The following GASK1A variants were observed in gnomAD, a reference collection of about 807,000 sequenced individuals.
The protein encoded by GASK1A is Golgi-associated kinase 1A.
GASK1A carries 40 observed loss-of-function variants against 41.2 expected under a neutral mutation model. The observed-to-expected ratio is 0.97, with a 90% CI of 0.75 to 1.27. The LOEUF is 1.27. Among genes scored for constraint, GASK1A ranks in the 50% most tolerant of loss-of-function variants. GASK1A has a pLI of 0.00. For missense variants in GASK1A, 678 were observed against 745.1 expected, an observed-to-expected ratio of 0.91 and a Z score of 1.05; for synonymous variants, 316 against 307.1, an observed-to-expected ratio of 1.03 and a Z score of -0.30.
At chr3:43,051,677 G>A (rs1182393736) in intron 2 of GASK1A, among the ~76,000 whole-genome samples, 3 of 152,132 alleles carry the variant, frequency 2.0e-5, no homozygotes, top group South Asian at 4.1e-4. Flanking sequence ...GACAGCCATG[G>A]TGTTGAAACA....
intron 1 of GASK1A, among the ~76,000 whole-genome samples, chr3:43,026,578 A>C (rs2089547989): frequency 6.6e-6 from 1 of 152,226 alleles, no homozygotes; most frequent in Admixed American, 6.5e-5. Flanking sequence ...CTCAAGAAAA[A>C]ATGGTAAAAT....
intron 1 of GASK1A, among the ~76,000 whole-genome samples, chr3:43,017,452 G>T (rs1432828213): frequency 1.3e-5 from 2 of 149,660 alleles, no homozygotes; most frequent in East Asian, 4.1e-4. Context: ...ACAAGAAAGG[G>T]CTGTGTGAGT....
intron 1 of GASK1A, among the ~76,000 whole-genome samples, chr3:42,983,750 A>T (rs2089293327): frequency 6.6e-6 from 1 of 152,194 alleles, no homozygotes; most frequent in Non-Finnish European, 1.5e-5. Flanking sequence ...CTTCTGGGGT[A>T]CAGCCCTTAC....
chr3:42,981,292 C>T (rs540256794), intron 1 of GASK1A, among the ~76,000 whole-genome samples: 31 of 152,276 alleles, frequency 2.0e-4, no homozygotes, highest in Middle Eastern at 3.4e-3. Flanking sequence ...TCCTTTGCTT[C>T]TCCATCTGAA....
intron 1 of GASK1A, among the ~76,000 whole-genome samples, chr3:42,985,933 AAAGTT>A (rs2089306656): frequency 6.6e-6 from 1 of 152,214 alleles, no homozygotes; most frequent in Admixed American, 6.5e-5. Context: ...TAGTTTTTTA[AAAGTT>A]AAACATACAC....
intron 1 of GASK1A, among the ~76,000 whole-genome samples, chr3:42,997,734 A>G (rs1478214807): frequency 1.3e-5 from 2 of 152,220 alleles, no homozygotes; most frequent in Non-Finnish European, 2.9e-5. Context: ...TAATGGGCCT[A>G]TAAGGTTGTG....
At chr3:42,985,401 G>T (rs2125672086) in intron 1 of GASK1A, among the ~76,000 whole-genome samples, 1 of 152,300 alleles carries the variant, frequency 6.6e-6, no homozygotes, top group South Asian at 2.1e-4. Flanking sequence ...CTGTCTCCCT[G>T]CCGTCTTGTC....
rs143868228 is a variant in GASK1A, at chr3:43,029,942, T to C, written c.4-2325T>C. Among the ~76,000 whole-genome samples, 607 of 152,284 alleles carry C rather than the reference T, an allele frequency of 4.0e-3. 6 individuals carry two copies. Among genetic ancestry groups the C allele is most frequent in the African/African-American group, 0.014 (582 of 41,558 alleles). On this transcript the variant is annotated intron_variant, in intron 1 of 4. Coordinates refer to ENST00000430121, the MANE Select transcript of GASK1A (RefSeq NM_001129908.3). ...TGAGGGGCGGCATTCCTCCAGGCCA[T>C]GCCGTTGGAAGGAAGGGGAAGGTCA...
intron 1 of GASK1A, among the ~76,000 whole-genome samples, chr3:42,988,338 A>C (rs1207605788): frequency 6.6e-6 from 1 of 152,216 alleles, no homozygotes; most frequent in South Asian, 2.1e-4. Flanking sequence ...TGCAATGAGC[A>C]AACAGCCTCT....
chr3:43,009,531 C>T (rs2089453167), intron 1 of GASK1A, among the ~76,000 whole-genome samples: 1 of 152,202 alleles, frequency 6.6e-6, no homozygotes, highest in African/African-American at 2.4e-5. Flanking sequence ...GGCTGGAGGC[C>T]AGAGTTGGAA....
intron 1 of GASK1A, among the ~76,000 whole-genome samples, chr3:43,020,413 A>G (rs896504815): frequency 6.6e-6 from 1 of 152,200 alleles, no homozygotes; most frequent in Non-Finnish European, 1.5e-5. Flanking sequence ...TTCAAGAGAT[A>G]AGTCTGTGAC....
Position 42,979,400 on chromosome 3 carries a change from T to A in GASK1A, c.-243T>A. ...TCAGATCCCCGTAGATCTCAGTAGA[T>A]CCGGCGTGTATTCCCCACCCGCGGA... is the stretch of plus-strand genomic sequence containing the variant. On this transcript the variant is annotated 5_prime_UTR_variant, in exon 1 of 5. Coordinates refer to ENST00000430121, the MANE Select transcript of GASK1A (RefSeq NM_001129908.3). The A allele has an allele frequency of 2.5e-6, 1 of 400,284 alleles. No individual in the cohort carries two copies. 24.8% of individuals were successfully genotyped at this position (400,284 alleles called of 1,614,324 possible).
Position 43,031,071 on chromosome 3 carries a change from C to T in GASK1A, c.4-1196C>T, listed in dbSNP as rs147621154. Among the ~76,000 whole-genome samples, 489 of 152,320 alleles carry T rather than the reference C, an allele frequency of 3.2e-3. 4 individuals are homozygous for T. The highest frequency in any genetic ancestry group is 0.022 in the South Asian group (107 of 4,824). On this transcript the variant is annotated intron_variant, in intron 1 of 4. Coordinates refer to ENST00000430121, the MANE Select transcript of GASK1A (RefSeq NM_001129908.3). ...TTCTGTGCATTCCAGCAAATTGCCT[C>T]ACACTGCATATAGTATCAAAAATCT...
intron 1 of GASK1A, among the ~76,000 whole-genome samples, chr3:42,988,122 A>G (rs2089322006): frequency 6.6e-6 from 1 of 151,774 alleles, no homozygotes; most frequent in Admixed American, 6.6e-5. Flanking sequence ...GCCAGTGTAG[A>G]CACCTGGCTC....
At chr3:42,997,432 G>GC (rs2089381649) in intron 1 of GASK1A, among the ~76,000 whole-genome samples, 1 of 100,730 alleles carries the variant, frequency 9.9e-6, no homozygotes, top group South Asian at 3.5e-4. Context: ...GAGAGAGACA[G>GC]AGAGAGGGGG....
Position 43,007,351 on chromosome 3 carries a change from T to A in GASK1A, c.4-24916T>A, listed in dbSNP as rs1389860705. 2.0e-5 allele frequency among the ~76,000 whole-genome samples: 3 copies of A among 152,302 alleles called. No individual in the cohort carries two copies. In the East Asian group the frequency reaches 5.8e-4, roughly 29 times the overall value. ...CCACTGCCCTCAACTGTCCCAGGTGTCTCCCAGCATGTAGCTTCCCTAGCT... is the reference window on the plus strand; with the variant it reads ...CCACTGCCCTCAACTGTCCCAGGTGACTCCCAGCATGTAGCTTCCCTAGCT... On this transcript the variant is annotated intron_variant, in intron 1 of 4. Transcript: ENST00000430121.
rs704910 is a variant in GASK1A at position 43,040,884 on chromosome 3, G to A, written c.1290+7331G>A. Among the ~76,000 whole-genome samples the A allele has an allele frequency of 2.2e-4, 23 of 103,956 alleles. 3 individuals are homozygous for A. In the East Asian group the frequency reaches 5.0e-3, roughly 22 times the overall value. 68.2% of individuals were successfully genotyped at this position (103,956 alleles called of 152,430 possible). ...TCTCCCAATGCTATCCCTCCCCCCC[G>A]CCACAACAGTCCGCAGAGTGTGATG... On this transcript the variant is annotated intron_variant, in intron 2 of 4. Transcript: ENST00000430121.
chr3:43,051,920 G>C (rs1002424447), intron 2 of GASK1A, among the ~76,000 whole-genome samples: 3 of 152,156 alleles, frequency 2.0e-5, no homozygotes, highest in Admixed American at 6.5e-5. Context: ...TTCTAATTCA[G>C]ACTAGCCCTT....
chr3:43,031,435 G>T (rs1005334755), intron 1 of GASK1A, among the ~76,000 whole-genome samples: 3 of 152,190 alleles, frequency 2.0e-5, no homozygotes, highest in Non-Finnish European at 4.4e-5. Context: ...CTGGTGTGGG[G>T]CCCTGAGAAT....
Sources: gnomAD v4.1 joint callset for allele counts (sites outside exome capture counted in the v4.1 genomes callset) on GRCh38, gnomAD v4.1.1 for gene constraint, MANE v1.5 for transcripts, NCBI Gene and HGNC (gene_info 2026-07-23, HGNC 2026-07-21) for gene names.